Variants in ATP8A2 observed in about 807,000 individuals in gnomAD.
The protein encoded by ATP8A2 is ATPase phospholipid transporting 8A2.
In ATP8A2, 100 loss-of-function variants were observed where a neutral mutation model predicts 165.6. The ratio of observed to expected loss-of-function variants is 0.60; its 90% CI spans 0.51 to 0.71. The LOEUF (loss-of-function observed/expected upper bound fraction) is 0.71. Ranked by LOEUF, ATP8A2 falls within the 30% of genes least tolerant of loss-of-function variation. The probability of loss-of-function intolerance (pLI) is 0.00; values close to 1 mark genes in which losing one functional copy is unlikely to be tolerated. For synonymous variants in ATP8A2, 543 were observed against 548.8 expected (o/e 0.99, Z 0.15); for missense variants, 1,227 against 1,479.5 (o/e 0.83, Z 2.80).
intron 13 of ATP8A2, among the ~76,000 whole-genome samples, 185 bp downstream of exon 13, chr13:25,555,253 C>T (rs1288488891): frequency 6.6e-6 from 1 of 151,796 alleles, no homozygotes; most frequent in Non-Finnish European, 1.5e-5. Context: ...TTTTGTCTTG[C>T]TTTTTGAGAC....
intron 33 of ATP8A2, among the ~76,000 whole-genome samples, chr13:25,939,898 C>T (rs1020962540): frequency 6.6e-6 from 1 of 152,208 alleles, no homozygotes; most frequent in Non-Finnish European, 1.5e-5. Flanking sequence ...TCCAAAACCA[C>T]TTGTGTAGGT....
At chr13:25,716,256 A>C (rs1442700475) in intron 25 of ATP8A2, among the ~76,000 whole-genome samples, 2 of 152,152 alleles carry the variant, frequency 1.3e-5, no homozygotes, top group Non-Finnish European at 2.9e-5. Flanking sequence ...ATTTGCAAAA[A>C]ATTTTTTCTA....
At chr13:25,866,809 T>C (rs961423949) in intron 33 of ATP8A2, among the ~76,000 whole-genome samples, 34 of 152,190 alleles carry the variant, frequency 2.2e-4, no homozygotes, top group Admixed American at 7.2e-4. Context: ...ATTAGAATGT[T>C]TTAGCTCCTG....
At chr13:25,639,408 A>T (rs992820412) in intron 24 of ATP8A2, among the ~76,000 whole-genome samples, 8 of 152,230 alleles carry the variant, frequency 5.3e-5, no homozygotes, top group Non-Finnish European at 7.3e-5. Context: ...ATGGAGGAAG[A>T]TCTACTAAGC....
intron 1 of ATP8A2, among the ~76,000 whole-genome samples, chr13:25,387,532 G>T (rs759172910): frequency 4.6e-5 from 7 of 152,054 alleles, no homozygotes; most frequent in Non-Finnish European, 1.0e-4. Flanking sequence ...CTGCCTTAGT[G>T]ACCTCACCCG....
intron 1 of ATP8A2, 44 bp from the exon 2 acceptor site, chr13:25,468,933 G>A (rs2137519992): frequency 3.8e-6 from 6 of 1,588,474 alleles, no homozygotes; most frequent in Non-Finnish European, 5.2e-6. Flanking sequence ...CCTGGCGGTT[G>A]ACTTCTTTGT....
At chr13:25,783,969 C>A (rs901714703) in intron 27 of ATP8A2, among the ~76,000 whole-genome samples, 3 of 151,990 alleles carry the variant, frequency 2.0e-5, no homozygotes, top group Admixed American at 6.6e-5. Context: ...GGTGAGAGGA[C>A]AGGGAAGAGG....
rs765826045 is a variant in ATP8A2 at position 25,968,679 on chromosome 13, G to A, written c.3377G>A (p.Arg1126Lys). ...KAVLRDSNGK[R>K]LNERDRLIKR... ...GTGCTGCGGGATAGCAATGGAAAGA[G>A]GTGGGGAACTCCGTCCCAGTCCGCA... is the stretch of plus-strand genomic sequence containing the variant. Residue 1126 changes from arginine to lysine, a missense_variant and splice_region_variant, in exon 35 of 37, where the codon AGG (arginine) becomes AAG (lysine). This residue lies in a region of ATP8A2 where 260 missense variants were observed against 245.1 expected (regional missense o/e 1.06). Coordinates refer to ENST00000381655, the MANE Select transcript of ATP8A2 (RefSeq NM_016529.6). 2.5e-6 allele frequency: 4 copies of A among 1,611,882 alleles called. No individual in the cohort carries two copies. Among genetic ancestry groups the A allele is most frequent in the Non-Finnish European group, 2.5e-6 (3 of 1,178,842 alleles).
intron 24 of ATP8A2, among the ~76,000 whole-genome samples, chr13:25,688,814 C>T (rs115983359): frequency 0.016 from 2,374 of 152,376 alleles, 60 homozygotes; most frequent in African/African-American, 0.053. Flanking sequence ...TCGGCCCTTT[C>T]TGTCTGGTGC....
rs2037982521 is a variant in ATP8A2 at position 25,530,100 on chromosome 13, TA to T, written c.321+4del. 1 of 1,559,090 alleles carries T rather than the reference TA, an allele frequency of 6.4e-7. No individual in the cohort carries two copies. The highest frequency in any genetic ancestry group is 1.4e-5 in the African/African-American group (1 of 73,706). On this transcript the variant is annotated splice_donor_region_variant and intron_variant, in intron 3 of 36. Coordinates refer to ENST00000381655, the MANE Select transcript of ATP8A2 (RefSeq NM_016529.6). ...TTTCTCTTCATTGCCTTATTACAGG[TA>T]ATGGTTTTTTAACAGTTCCTTGGAA...
chr13:25,928,160 C>G (rs1449176961), intron 33 of ATP8A2, among the ~76,000 whole-genome samples: 1 of 152,182 alleles, frequency 6.6e-6, no homozygotes. Flanking sequence ...AGTCACAGCC[C>G]CCTTGACACT....
intron 24 of ATP8A2, among the ~76,000 whole-genome samples, chr13:25,670,337 C>T (rs2042238972): frequency 6.6e-6 from 1 of 152,054 alleles, no homozygotes; most frequent in African/African-American, 2.4e-5. Flanking sequence ...GCCTTTTCTG[C>T]CTGAGGTTAT....
At chr13:25,693,381 G>A (rs529664187) in intron 24 of ATP8A2, among the ~76,000 whole-genome samples, 1 of 152,148 alleles carries the variant, frequency 6.6e-6, no homozygotes, top group Non-Finnish European at 1.5e-5. Flanking sequence ...GATTATTGCC[G>A]AGTGGGCATG....
At chr13:25,970,932 C>T (rs929415277) in intron 35 of ATP8A2, among the ~76,000 whole-genome samples, 2 of 152,148 alleles carry the variant, frequency 1.3e-5, no homozygotes, top group African/African-American at 4.8e-5. Context: ...ATGCGGTTTC[C>T]TACCGTCTAC....
rs529995587 is a variant in ATP8A2, at chr13:25,576,510, G to A, written c.1713-559G>A. ...GGCGGTGGAGACTCACTGAGGGCTC[G>A]GTGAGTGAGGATGGGCCATGAGGAA... On this transcript the variant is annotated intron_variant, in intron 19 of 36. Transcript: ENST00000381655. Among the ~76,000 whole-genome samples the A allele has an allele frequency of 1.4e-4, 22 of 152,240 alleles. No individual in the cohort carries two copies. The South Asian group carries it at 3.7e-3, about 26-fold the overall frequency.
intron 35 of ATP8A2, among the ~76,000 whole-genome samples, chr13:25,999,431 C>T: frequency 6.6e-6 from 1 of 152,190 alleles, no homozygotes; most frequent in East Asian, 1.9e-4. Flanking sequence ...GGATTCATTG[C>T]TGTTCCTGCT....
intron 4 of ATP8A2, among the ~76,000 whole-genome samples, chr13:25,531,158 GATATATATGTTATATGAT>G (rs1435277452): frequency 1.5e-5 from 2 of 129,212 alleles, no homozygotes; most frequent in Non-Finnish European, 3.3e-5. Flanking sequence ...TTATATATAT[GATATATATGTTATATGAT>G]ATATATATGT....
intron 27 of ATP8A2, among the ~76,000 whole-genome samples, chr13:25,785,733 C>T (rs1240469065): frequency 1.3e-5 from 2 of 152,180 alleles, no homozygotes; most frequent in African/African-American, 4.8e-5. Flanking sequence ...TCAGTAATAA[C>T]TGCTTTAGGG....
chr13:25,898,100 G>GAGGAAA (rs1953616455), intron 33 of ATP8A2, among the ~76,000 whole-genome samples: 1 of 152,118 alleles, frequency 6.6e-6, no homozygotes, highest in Admixed American at 6.6e-5. Context: ...CTTTGGAGGT[G>GAGGAAA]CTCTGATTTT....
Sources: allele counts gnomAD v4.1 joint callset (sites outside exome capture counted in the v4.1 genomes callset), GRCh38; gene constraint gnomAD v4.1.1; regional missense constraint gnomAD v4.1.1; transcripts MANE v1.5; gene names NCBI Gene and HGNC (gene_info 2026-07-23, HGNC 2026-07-21).